MTAP: variants seen among roughly 807,000 people sequenced by gnomAD.
The protein encoded by MTAP is methylthioadenosine phosphorylase, also known as S-methyl-5'-thioadenosine phosphorylase.
In MTAP, 33 loss-of-function variants were observed where a neutral mutation model predicts 33.6. That is an observed-to-expected ratio of 0.98 (90% CI 0.74 to 1.31). The LOEUF is 1.31. MTAP is among the 40% of genes most tolerant of loss of function. The probability of loss-of-function intolerance (pLI) is 0.00; values close to 1 mark genes in which losing one functional copy is unlikely to be tolerated. For missense variants in MTAP, 367 were observed against 360.0 expected (o/e 1.02, Z -0.16); for synonymous variants, 148 against 125.7 (o/e 1.18, Z -1.19).
downstream of MTAP, among the ~76,000 whole-genome samples, chr9:21,939,826 T>A (rs1009271615): frequency 6.6e-5 from 10 of 152,070 alleles, no homozygotes; most frequent in African/African-American, 2.2e-4. Context: ...GAGGCTGAAG[T>A]GATCTGAGAT....
At chr9:21,843,283 A>C (rs1359375204) in intron 5 of MTAP, among the ~76,000 whole-genome samples, 1 of 152,208 alleles carries the variant, frequency 6.6e-6, no homozygotes, top group Non-Finnish European at 1.5e-5. Flanking sequence ...AATAGGCCTA[A>C]GAAATGACAT....
chr9:21,900,408 G>C (rs1818371736), intron 1 of MTAP, among the ~76,000 whole-genome samples: 1 of 152,100 alleles, frequency 6.6e-6, no homozygotes, highest in Non-Finnish European at 1.5e-5. Context: ...ACAAGCATAT[G>C]ACAAAAATGC....
chr9:21,855,039 G>A lies in MTAP; in HGVS notation c.690+169G>A, dbSNP rs3802393. ...TTGGAAGGTAAGAACAAAGATCAAA[G>A]GAAAGAAAGAGACACTTTTACCCAA... On this transcript the variant is annotated intron_variant, in intron 6 of 7. Transcript: ENST00000644715. Among the ~76,000 whole-genome samples the A allele has an allele frequency of 0.23, 34,746 of 152,126 alleles. 5,131 individuals are homozygous for A. Among genetic ancestry groups the A allele is most frequent in the African/African-American group, 0.41 (17,066 of 41,456 alleles).
chr9:21,823,150 T>C (rs537094125), intron 4 of MTAP, among the ~76,000 whole-genome samples: 1 of 152,358 alleles, frequency 6.6e-6, no homozygotes, highest in East Asian at 1.9e-4. Context: ...TATTGTTATG[T>C]GTGAATTTGA....
chr9:21,921,645 C>T (rs1384792965), intron 1 of MTAP, among the ~76,000 whole-genome samples: 2 of 152,184 alleles, frequency 1.3e-5, no homozygotes, highest in Non-Finnish European at 2.9e-5. Flanking sequence ...CAGAGCCTTA[C>T]AAGAGACTCA....
intron 5 of MTAP, among the ~76,000 whole-genome samples, chr9:21,843,313 G>A (rs1825298170): frequency 6.6e-6 from 1 of 152,054 alleles, no homozygotes; most frequent in African/African-American, 2.4e-5. Context: ...CACAATAATA[G>A]TGGGGCACTT....
intron 1 of MTAP, among the ~76,000 whole-genome samples, chr9:21,896,213 T>A (rs1818290194): frequency 2.6e-5 from 4 of 151,914 alleles, no homozygotes; most frequent in African/African-American, 9.7e-5. Context: ...TTGAAACCAA[T>A]GAGAAAAAAG....
At chr9:21,858,866 A>T (rs1194107757) in intron 6 of MTAP, 3 of 153,142 alleles carry the variant, frequency 2.0e-5, no homozygotes, top group African/African-American at 7.2e-5. Flanking sequence ...GGTTTTTCTT[A>T]GTCTGTCTGG....
chr9:21,934,152 G>A (rs1819006242), downstream of MTAP: 1 of 152,238 alleles, frequency 6.6e-6, no homozygotes, highest in Non-Finnish European at 1.5e-5. The surrounding 1 kb of genome is among the most constrained non-coding windows in gnomAD (Gnocchi z 5.0). Context: ...AGTACAGAAA[G>A]AGCTGGACTG....
chr9:21,924,899 T>TGGG (rs1818845388), intron 1 of MTAP, among the ~76,000 whole-genome samples: 3 of 152,230 alleles, frequency 2.0e-5, no homozygotes, highest in African/African-American at 4.8e-5. Context: ...ATCAAAGGGT[T>TGGG]CCATAAACTG....
Position 21,818,035 on chromosome 9 carries a change from G to T in MTAP, c.180G>T (p.Arg60Ser). 1 of 1,608,430 alleles carries T rather than the reference G, an allele frequency of 6.2e-7. No homozygotes were observed. The highest frequency in any genetic ancestry group is 2.2e-5 in the East Asian group (1 of 44,558). Residue 60 changes from arginine to serine, a missense_variant and splice_region_variant, in exon 4 of 8, where the codon AGG (arginine) becomes AGT (serine). Arg to Ser is a moderately radical substitution (Grantham distance 110). Transcript: ENST00000644715. Reference sequence around the variant, plus strand: ...AACAATTTCTTCTCTCCTTCCATAGGCATGGAAGGCAGCACACCATCATGC... The same window carrying T: ...AACAATTTCTTCTCTCCTTCCATAGTCATGGAAGGCAGCACACCATCATGC... ...IKNVDCVLLARHGRQHTIMPS... is the reference protein window; with the variant it reads ...IKNVDCVLLASHGRQHTIMPS...
Position 21,865,486 on chromosome 9 carries a change from T to C in MTAP, c.*3472T>C, listed in dbSNP as rs1825839025. 5.1e-6 allele frequency: 5 copies of C among 985,446 alleles called. No individual in the cohort carries two copies. The highest frequency in any genetic ancestry group is 5.2e-4 in the Middle Eastern group (1 of 1,938). 61.0% of individuals were successfully genotyped at this position (985,446 alleles called of 1,614,324 possible). ...GATTGTTGCACCTTGGAACTACCAG[T>C]GTGCACACAATCTGGCTCAATGTAT... On this transcript the variant is annotated 3_prime_UTR_variant, in exon 8 of 8. Coordinates refer to ENST00000644715, the MANE Select transcript of MTAP (RefSeq NM_002451.4).
At chr9:21,832,134 G>A (rs1824982667) in intron 4 of MTAP, among the ~76,000 whole-genome samples, 1 of 152,172 alleles carries the variant, frequency 6.6e-6, no homozygotes, top group Admixed American at 6.5e-5. Context: ...AACTGGGAGA[G>A]GTTCGACTTT....
At chr9:21,902,792 T>A (rs1252784787) in intron 1 of MTAP, among the ~76,000 whole-genome samples, 1 of 152,184 alleles carries the variant, frequency 6.6e-6, no homozygotes, top group Admixed American at 6.5e-5. Flanking sequence ...GAGGTGTGGA[T>A]AGAATAGAAA....
intron 1 of MTAP, among the ~76,000 whole-genome samples, chr9:21,804,584 G>T (rs1036187081): frequency 6.6e-6 from 1 of 152,188 alleles, no homozygotes; most frequent in Non-Finnish European, 1.5e-5. Context: ...CAGCTTTGCC[G>T]TAGAGATTCC....
intron 4 of MTAP, among the ~76,000 whole-genome samples, chr9:21,827,300 T>C (rs993442191): frequency 2.0e-5 from 3 of 152,194 alleles, no homozygotes; most frequent in Admixed American, 6.5e-5. Flanking sequence ...CCATCAGTTA[T>C]CTCTGAGCTT....
rs763731546 is a variant in MTAP at position 21,802,732 on chromosome 9, T to A, written c.-17T>A. The A allele has an allele frequency of 2.5e-6, 4 of 1,612,766 alleles. No individual in the cohort carries two copies. Among genetic ancestry groups the A allele is most frequent in the Non-Finnish European group, 3.4e-6 (4 of 1,179,772 alleles). On this transcript the variant is annotated 5_prime_UTR_variant, in exon 1 of 8. Coordinates refer to ENST00000644715, the MANE Select transcript of MTAP (RefSeq NM_002451.4). ...TCCCGAGCGCTCGCCCACTGCAGAT[T>A]CCTTTCCCGTGCAGACATGGCCTCT...
chr9:21,857,413 A>C (rs946798997), intron 6 of MTAP, among the ~76,000 whole-genome samples: 2 of 152,180 alleles, frequency 1.3e-5, no homozygotes, highest in African/African-American at 4.8e-5. Context: ...ATTTTTTCCT[A>C]TACACATCTT....
chr9:21,887,699 A>C (rs529542751), intron 1 of MTAP, among the ~76,000 whole-genome samples: 1 of 152,320 alleles, frequency 6.6e-6, no homozygotes, highest in Non-Finnish European at 1.5e-5. Context: ...TGACTTCCGC[A>C]ATGGTTGAAC....
Sources: allele counts gnomAD v4.1 joint callset (sites outside exome capture counted in the v4.1 genomes callset), GRCh38; gene constraint gnomAD v4.1.1; non-coding constraint Gnocchi (gnomAD v3.1); transcripts MANE v1.5; gene names NCBI Gene and HGNC (gene_info 2026-07-23, HGNC 2026-07-21).